MR1: variants seen among roughly 807,000 people sequenced by gnomAD.
MR1 encodes the protein major histocompatibility complex class I-related protein 1.
Under a neutral mutation model 37.8 loss-of-function variants are expected in MR1, and 44 were observed. The ratio of observed to expected loss-of-function variants is 1.16; its 90% CI spans 0.91 to 1.50. MR1 has a LOEUF of 1.50. MR1 is among the 40% of genes most tolerant of loss of function. The pLI is 0.00. For missense variants in MR1, 386 were observed against 419.1 expected (o/e 0.92, Z 0.69); for synonymous variants, 153 against 155.8 (o/e 0.98, Z 0.13).
chr1:181,047,405 CCTGA>C (rs1337323030), intron 1 of MR1, among the ~76,000 whole-genome samples: 21 of 152,020 alleles, frequency 1.4e-4, no homozygotes, highest in Admixed American at 2.0e-4. Flanking sequence ...TCGAGACCAG[CCTGA>C]CTAACATGGC....
chr1:181,046,604 A>T (rs1021644482), intron 1 of MR1, among the ~76,000 whole-genome samples: 3 of 152,102 alleles, frequency 2.0e-5, no homozygotes, highest in Non-Finnish European at 2.9e-5. Flanking sequence ...AATCAGCAGG[A>T]TGTGGGTGGG....
At position 181,052,336 on chromosome 1, in the gene MR1, T is replaced by C. The variant is rs141620086; in HGVS notation, c.706T>C (p.Trp236Arg). Residue 236 changes from tryptophan to arginine, a missense_variant, in exon 4 of 6, where the codon TGG (tryptophan) becomes CGG (arginine). Transcript: ENST00000367580. ...GFYPPEIYMT[W>R]MKNGEEIVQE... ...TTACCCCCCAGAAATTTACATGACA[T>C]GGATGAAAAACGGGGAAGAAATTGT... The C allele has an allele frequency of 7.4e-6, 12 of 1,614,026 alleles. No individual in the cohort carries two copies. Among genetic ancestry groups the C allele is most frequent in the African/African-American group, 5.3e-5 (4 of 74,906 alleles).
At chr1:181,035,350 C>A (rs371031467) in intron 1 of MR1, among the ~76,000 whole-genome samples, 1 of 151,802 alleles carries the variant, frequency 6.6e-6, no homozygotes, top group African/African-American at 2.4e-5. Context: ...AAAAAAAAAT[C>A]CATATATTAA....
intron 1 of MR1, among the ~76,000 whole-genome samples, chr1:181,047,172 CCAAA>C (rs1427583411): frequency 2.0e-5 from 3 of 152,054 alleles, no homozygotes; most frequent in Admixed American, 1.3e-4. Flanking sequence ...GCAGGGAGGG[CCAAA>C]CAGTTTTGTT....
In MR1 at chr1:181,050,116, A is replaced by G. The variant is rs543599811; in HGVS notation, c.434A>G (p.Asn145Ser). Residue 145 changes from asparagine (N) to serine (S), a missense_variant, in exon 3 of 6, where the codon AAT becomes AGT. Physicochemically the swap from Asn to Ser is conservative, Grantham distance 46 (BLOSUM62 1). Coordinates refer to ENST00000367580, the MANE Select transcript of MR1 (RefSeq NM_001385161.1). ...AYDGQDFLIFNKDTLSWLAVD... is the reference protein window; with the variant it reads ...AYDGQDFLIFSKDTLSWLAVD... ...GACGGGCAGGATTTCCTGATCTTCA[A>G]TAAAGACACCCTCTCCTGGCTGGCT... The G allele has an allele frequency of 7.1e-5, 114 of 1,614,220 alleles. 1 individual carries two copies. In the South Asian group the frequency reaches 7.7e-4, roughly 11 times the overall value.
Position 181,060,413 on chromosome 1 carries a change from C to T in MR1, c.*5148C>T, listed in dbSNP as rs1255624968. ...CAATTCAACTCCTAACACATCTCTA[C>T]CCAACCTCTGTAGGTTCCCTCAATC... On this transcript the variant is annotated 3_prime_UTR_variant, in exon 6 of 6. Transcript: ENST00000367580. The T allele has an allele frequency of 6.6e-6, 1 of 152,210 alleles. No homozygotes were observed. Among genetic ancestry groups the T allele is most frequent in the African/African-American group, 2.4e-5 (1 of 41,458 alleles). The allele number at this position is 152,210 out of a possible 1,614,324, so 9.4% of individuals were successfully genotyped here. A position where few individuals can be genotyped will look rare whatever the true frequency, so the allele number is the denominator to read the frequency against.
intron 5 of MR1, 125 bp from the exon 6 acceptor site, chr1:181,055,100 A>G: frequency 1.2e-6 from 1 of 833,050 alleles, no homozygotes. Context: ...TACTAAGAGA[A>G]TCTTGACAAA....
At chr1:181,033,676 C>G (rs1048677034), upstream of MR1, among the ~76,000 whole-genome samples, 1 of 152,154 alleles carries the variant, frequency 6.6e-6, no homozygotes. Context: ...GAAGCAGAGG[C>G]AGCAGCTTGA....
intron 5 of MR1, among the ~76,000 whole-genome samples, chr1:181,054,446 G>A (rs1286698462): frequency 6.6e-6 from 1 of 152,140 alleles, no homozygotes. Flanking sequence ...AACCCAAAGT[G>A]GACCAGAAGT....
At position 181,052,218 on chromosome 1, in the gene MR1, T is replaced by G; in HGVS notation, c.605-17T>G. The G allele has an allele frequency of 3.7e-6, 6 of 1,611,120 alleles. No individual in the cohort carries two copies. The highest frequency in any genetic ancestry group is 5.1e-6 in the Non-Finnish European group (6 of 1,178,194). On this transcript the variant is annotated splice_polypyrimidine_tract_variant and intron_variant, in intron 3 of 5. Transcript: ENST00000367580. ...TACATAAGGCACTTTGATTTAACTT[T>G]AGCTTCTTCTTCCTAGAGCCCCCAC...
intron 1 of MR1, among the ~76,000 whole-genome samples, chr1:181,047,180 T>C (rs138726133): frequency 1.5e-3 from 232 of 152,192 alleles, no homozygotes; most frequent in African/African-American, 5.5e-3. Context: ...GGCCAAACAG[T>C]TTTGTTTCAT....
At position 181,061,077 on chromosome 1, in the gene MR1, G is replaced by T. The variant is rs1658880676; in HGVS notation, c.*5812G>T. 6.6e-6 allele frequency: 1 copy of T among 152,290 alleles called. No individual in the cohort carries two copies. Among genetic ancestry groups the T allele is most frequent in the Non-Finnish European group, 1.5e-5 (1 of 68,124 alleles). 9.4% of individuals were successfully genotyped at this position (152,290 alleles called of 1,614,324 possible). ...CTTCCCCATGGCTGGCATGGCTGAG[G>T]AAAAAGGACACTGAGCACAGCCCGT... On this transcript the variant is annotated 3_prime_UTR_variant, in exon 6 of 6. Transcript: ENST00000367580.
rs148179175 is a variant in MR1, at chr1:181,034,894, C to T, written c.67+820C>T. Among the ~76,000 whole-genome samples, 268 of 152,244 alleles carry T rather than the reference C, an allele frequency of 1.8e-3. 2 individuals are homozygous for T. The highest frequency in any genetic ancestry group is 3.3e-3 in the Admixed American group (50 of 15,286). On this transcript the variant is annotated intron_variant, in intron 1 of 5. Transcript: ENST00000367580. ...ATGATTAGAAATTACTTAATGGGTA[C>T]AATGTGTGTTACTTGGGTGATGGAT...
intron 4 of MR1, 54 bp downstream of exon 4, chr1:181,052,564 C>A: frequency 1.9e-6 from 3 of 1,572,074 alleles, no homozygotes; most frequent in Non-Finnish European, 2.6e-6. Flanking sequence ...AAGGGGTGAG[C>A]AGGAAACCAT....
At chr1:181,042,630 C>T (rs1409027636) in intron 1 of MR1, among the ~76,000 whole-genome samples, 6 of 151,600 alleles carry the variant, frequency 4.0e-5, no homozygotes, top group Non-Finnish European at 7.4e-5. Flanking sequence ...GGCAAAAACC[C>T]GTCTATACTA....
rs923060468 is a variant in MR1, at chr1:181,057,246, C to T, written c.*1981C>T. ...GCTACCACTGTACATCTCTCTTTTC[C>T]GGTGCCTGTTGAGTTGCATAGAAGC... On this transcript the variant is annotated 3_prime_UTR_variant, in exon 6 of 6. Transcript: ENST00000367580. The T allele has an allele frequency of 2.0e-5, 3 of 152,226 alleles. No homozygotes were observed. The highest frequency in any genetic ancestry group is 4.8e-5 in the African/African-American group (2 of 41,442). The allele number at this position is 152,226 out of a possible 1,614,324, so 9.4% of individuals were successfully genotyped here. A position where few individuals can be genotyped will look rare whatever the true frequency, so the allele number is the denominator to read the frequency against.
At position 181,058,418 on chromosome 1, in the gene MR1, T is replaced by G. The variant is rs1483469345; in HGVS notation, c.*3153T>G. ...ATGTGGTAAATTTAAATGGCAGATG[T>G]TTTTGATGTGGTACATTTAAGGGAG... On this transcript the variant is annotated 3_prime_UTR_variant, in exon 6 of 6. Coordinates refer to ENST00000367580, the MANE Select transcript of MR1 (RefSeq NM_001385161.1). 1 of 152,134 alleles carries G rather than the reference T, an allele frequency of 6.6e-6. No homozygotes were observed. Among genetic ancestry groups the G allele is most frequent in the Non-Finnish European group, 1.5e-5 (1 of 68,026 alleles). The allele number at this position is 152,134 out of a possible 1,614,324, so 9.4% of individuals were successfully genotyped here.
rs1335223295 is a variant in MR1 at position 181,058,821 on chromosome 1, G to A, written c.*3556G>A. Reference sequence around the variant, plus strand: ...TGGATATATAAAGTGGAGTGCCAATGTATTAATTTACTGTGAGAAACACAA... The same window carrying A: ...TGGATATATAAAGTGGAGTGCCAATATATTAATTTACTGTGAGAAACACAA... On this transcript the variant is annotated 3_prime_UTR_variant, in exon 6 of 6. Coordinates refer to ENST00000367580, the MANE Select transcript of MR1 (RefSeq NM_001385161.1). 6.6e-6 allele frequency: 1 copy of A among 152,220 alleles called. No homozygotes were observed. Among genetic ancestry groups the A allele is most frequent in the Non-Finnish European group, 1.5e-5 (1 of 68,040 alleles). 9.4% of individuals were successfully genotyped at this position (152,220 alleles called of 1,614,324 possible).
rs1323571236 is a variant in MR1, at chr1:181,057,504, A to C, written c.*2239A>C. The C allele has an allele frequency of 6.6e-6, 1 of 152,196 alleles. No individual in the cohort carries two copies. Among genetic ancestry groups the C allele is most frequent in the Non-Finnish European group, 1.5e-5 (1 of 68,032 alleles). 9.4% of individuals were successfully genotyped at this position (152,196 alleles called of 1,614,324 possible). On this transcript the variant is annotated 3_prime_UTR_variant, in exon 6 of 6. Transcript: ENST00000367580. The stretch of plus-strand genomic sequence containing the variant: ...TATGTAAATGCCTTTTGATTCTGCA[A>C]CTGCAGGATACTCTCATCAAAGACA...
Sources: allele counts gnomAD v4.1 joint callset (sites outside exome capture counted in the v4.1 genomes callset), GRCh38; gene constraint gnomAD v4.1.1; transcripts MANE v1.5; gene names NCBI Gene and HGNC (gene_info 2026-07-23, HGNC 2026-07-21).